Variants in DUSP7 observed in about 807,000 individuals in gnomAD.
DUSP7 encodes dual specificity phosphatase 7.
A neutral mutation model predicts 29.8 loss-of-function variants in DUSP7; 7 were observed. That is an observed-to-expected ratio of 0.24 (90% CI 0.13 to 0.44). DUSP7 has a LOEUF of 0.44. Ranked by LOEUF, DUSP7 falls within the 20% of genes least tolerant of loss-of-function variation. DUSP7 has a pLI of 1.00. For missense variants in DUSP7, 400 were observed against 583.7 expected (o/e 0.69, Z 3.24); for synonymous variants, 287 against 275.4 (o/e 1.04, Z -0.42).
Position 52,050,855 on chromosome 3 carries a change from T to C in DUSP7, c.1220A>G (p.Asn407Ser). ...CGTATTGAGTGGGAACAGGTTGTGG[T>C]TGGTGGGCGTGGAAAAGTAGAGCTG... ...SEQLYFSTPT[N>S]HNLFPLNTLE... The change falls in exon 3 of 3, where the codon AAC (asparagine) becomes AGC (serine). Residue 407 changes from asparagine to serine, a missense_variant. Asn to Ser is a conservative substitution (Grantham distance 46). This residue lies in a region of DUSP7 where 75 missense variants were observed against 95.0 expected (regional missense o/e 0.79). Coordinates refer to ENST00000495880, the MANE Select transcript of DUSP7 (RefSeq NM_001947.4). This position sits in a 1 kb window ranked among gnomAD's most constrained non-coding sequence, Gnocchi z 5.0. 1 of 1,613,908 alleles carries C rather than the reference T, an allele frequency of 6.2e-7. No homozygotes were observed. The highest frequency in any genetic ancestry group is 8.5e-7 in the Non-Finnish European group (1 of 1,179,826).
Position 52,051,108 on chromosome 3 carries a change from T to C in DUSP7, c.967A>G (p.Lys323Glu), listed in dbSNP as rs759834109. The C allele has an allele frequency of 6.2e-7, 1 of 1,608,920 alleles. No individual in the cohort carries two copies. Among genetic ancestry groups the C allele is most frequent in the South Asian group, 1.1e-5 (1 of 91,070 alleles). Residue 323 changes from lysine to glutamate, a missense_variant, in exon 3 of 3, where the codon AAG (lysine) becomes GAG (glutamate). This residue lies in a region of DUSP7 where 223 missense variants were observed against 360.9 expected (regional missense o/e 0.62). Transcript: ENST00000495880. The surrounding 1 kb of genome is among the most constrained non-coding windows in gnomAD (Gnocchi z 4.8). ...CAGTGCACCAGGACACCACACTTCT[T>C]GGAGCGGGCTTCGTCTGAAACACAT... ...AISFIDEARS[K>E]KCGVLVHCLA...
In DUSP7 at chr3:52,048,994, A is replaced by ATG. The variant is rs1462430384; in HGVS notation, c.*1819_*1820dup. 6.6e-6 allele frequency: 1 copy of ATG among 152,166 alleles called. No homozygotes were observed. Among genetic ancestry groups the ATG allele is most frequent in the African/African-American group, 2.4e-5 (1 of 41,428 alleles). 9.4% of individuals were successfully genotyped at this position (152,166 alleles called of 1,614,324 possible). On this transcript the variant is annotated 3_prime_UTR_variant, in exon 3 of 3. Coordinates refer to ENST00000495880, the MANE Select transcript of DUSP7 (RefSeq NM_001947.4). ...TGGTTCGGGATATATATATATATGT[A>ATG]TGTGTGTGTATATATATACGTAGGG... is the stretch of plus-strand genomic sequence containing the variant.
In DUSP7 at chr3:52,049,014, G is replaced by A. The variant is rs1176929417; in HGVS notation, c.*1801C>T. On this transcript the variant is annotated 3_prime_UTR_variant, in exon 3 of 3. Coordinates refer to ENST00000495880, the MANE Select transcript of DUSP7 (RefSeq NM_001947.4). ...TATGTATGTGTGTGTATATATATAC[G>A]TAGGGTCACAAATCTTCCTTCATAA... 1.3e-5 allele frequency: 2 copies of A among 152,152 alleles called. No individual in the cohort carries two copies. The highest frequency in any genetic ancestry group is 1.9e-4 in the East Asian group (1 of 5,206). The allele number at this position is 152,152 out of a possible 1,614,324, so 9.4% of individuals were successfully genotyped here.
chr3:52,054,013 G>A lies in DUSP7; in HGVS notation c.879C>T (p.Tyr293=), dbSNP rs1465677931. The A allele has an allele frequency of 1.2e-6, 2 of 1,614,122 alleles. No individual in the cohort carries two copies. The highest frequency in any genetic ancestry group is 2.2e-5 in the East Asian group (1 of 44,892). Residue 293 remains tyrosine (Y), a synonymous_variant, in exon 2 of 3, where the codon TAC becomes TAT. Transcript: ENST00000495880. The surrounding 1 kb of genome is among the most constrained non-coding windows in gnomAD (Gnocchi z 4.1). The part of the protein sequence containing the change: ...NAFEHGGEFT[Y]KQIPISDHWS... ...AGTGGTCAGAGATGGGGATCTGCTTGTAGGTGAACTCGCCGCCGTGCTCGA... is the reference window on the plus strand; with the variant it reads ...AGTGGTCAGAGATGGGGATCTGCTTATAGGTGAACTCGCCGCCGTGCTCGA...
chr3:52,051,064 G>A lies in DUSP7; in HGVS notation c.1011C>T (p.Arg337=), dbSNP rs748161509. 1.1e-5 allele frequency: 18 copies of A among 1,613,964 alleles called. No individual in the cohort carries two copies. The highest frequency in any genetic ancestry group is 1.1e-4 in the African/African-American group (8 of 74,940). The change falls in exon 3 of 3, where the codon CGC becomes CGT. Residue 337 remains arginine, a synonymous_variant. Coordinates refer to ENST00000495880, the MANE Select transcript of DUSP7 (RefSeq NM_001947.4). This position sits in a 1 kb window ranked among gnomAD's most constrained non-coding sequence, Gnocchi z 4.8. ...VLVHCLAGIS[R]SVTVTVAYLM... is the part of the protein sequence containing the mutation. ...GATAGGCCACAGTGACCGTCACTGAGCGGCTGATGCCTGCCAGGCAGTGCA... is the reference window on the plus strand; with the variant it reads ...GATAGGCCACAGTGACCGTCACTGAACGGCTGATGCCTGCCAGGCAGTGCA...
Position 52,053,688 on chromosome 3 carries a change from A to G in DUSP7, c.952+252T>C, listed in dbSNP as rs1701868900. The G allele has an allele frequency of 1.8e-6, 1 of 549,596 alleles. No homozygotes were observed. The highest frequency in any genetic ancestry group is 3.3e-6 in the Non-Finnish European group (1 of 305,548). 34.0% of individuals were successfully genotyped at this position (549,596 alleles called of 1,614,324 possible). On this transcript the variant is annotated intron_variant, in intron 2 of 2. Coordinates refer to ENST00000495880, the MANE Select transcript of DUSP7 (RefSeq NM_001947.4). The surrounding 1 kb of genome is among the most constrained non-coding windows in gnomAD (Gnocchi z 4.6). ...GGAAAACACAAGCTGGACAGCAGAG[A>G]GCCCATGACGTGCTGTCAGCTAGGG... is the stretch of plus-strand genomic sequence containing the variant.
In DUSP7 at chr3:52,049,457, C is replaced by T. The variant is rs1262232864; in HGVS notation, c.*1358G>A. On this transcript the variant is annotated 3_prime_UTR_variant, in exon 3 of 3. Coordinates refer to ENST00000495880, the MANE Select transcript of DUSP7 (RefSeq NM_001947.4). ...GGGGAAGTGAACAGAGCCTTACCCCCCTTCTGCTGGTCCATCCTTGCCCCA... is the reference window on the plus strand; with the variant it reads ...GGGGAAGTGAACAGAGCCTTACCCCTCTTCTGCTGGTCCATCCTTGCCCCA... 6.6e-6 allele frequency: 1 copy of T among 152,328 alleles called. No individual in the cohort carries two copies. Among genetic ancestry groups the T allele is most frequent in the Non-Finnish European group, 1.5e-5 (1 of 68,108 alleles). 9.4% of individuals were successfully genotyped at this position (152,328 alleles called of 1,614,324 possible). A position where few individuals can be genotyped will look rare whatever the true frequency, so the allele number is the denominator to read the frequency against.
chr3:52,055,931 C>A lies in DUSP7; in HGVS notation c.436G>T (p.Glu146Ter). ...YDEATAEWQP[E>*]PGAPASVLGL... ...AGCACGGAGGCGGGAGCGCCGGGCT[C>A]GGGCTGCCACTCGGCCGTGGCCTCG... Residue 146 changes from glutamate to a stop codon, truncating the protein, a stop_gained, in exon 1 of 3, where the codon GAG becomes TAG. Transcript: ENST00000495880. LOFTEE classifies it high-confidence loss of function. 6.5e-7 allele frequency: 1 copy of A among 1,540,418 alleles called. No homozygotes were observed. Among genetic ancestry groups the A allele is most frequent in the Non-Finnish European group, 8.7e-7 (1 of 1,144,416 alleles).
chr3:52,053,765 A>C lies in DUSP7; in HGVS notation c.952+175T>G, dbSNP rs2106892936. On this transcript the variant is annotated intron_variant, in intron 2 of 2. Transcript: ENST00000495880. The surrounding 1 kb of genome is among the most constrained non-coding windows in gnomAD (Gnocchi z 4.6). Reference sequence around the variant, plus strand: ...AGGCCCCAACAGGTAGAGGGGCCCAAGGGACTCGGTGACTCACAGTAGGCC... The same window carrying C: ...AGGCCCCAACAGGTAGAGGGGCCCACGGGACTCGGTGACTCACAGTAGGCC... The C allele has an allele frequency of 1.5e-6, 1 of 683,234 alleles. No homozygotes were observed. Among genetic ancestry groups the C allele is most frequent in the Admixed American group, 2.7e-5 (1 of 37,346 alleles). The allele number at this position is 683,234 out of a possible 1,614,324, so 42.3% of individuals were successfully genotyped here.
chr3:52,050,762 C>A lies in DUSP7; in HGVS notation c.*53G>T. Reference sequence around the variant, plus strand: ...GGCGGGCTTGGGCTCTCCCACCTAGCCCTGTGGAGAGCCGAGCAGGGGCCT... The same window carrying A: ...GGCGGGCTTGGGCTCTCCCACCTAGACCTGTGGAGAGCCGAGCAGGGGCCT... On this transcript the variant is annotated 3_prime_UTR_variant, in exon 3 of 3. Coordinates refer to ENST00000495880, the MANE Select transcript of DUSP7 (RefSeq NM_001947.4). The surrounding 1 kb of genome is among the most constrained non-coding windows in gnomAD (Gnocchi z 5.0). 1 of 1,557,640 alleles carries A rather than the reference C, an allele frequency of 6.4e-7. No homozygotes were observed. Among genetic ancestry groups the A allele is most frequent in the Non-Finnish European group, 8.7e-7 (1 of 1,147,238 alleles).
Position 52,050,851 on chromosome 3 carries a change from G to A in DUSP7, c.1224C>T (p.His408=). 1 of 1,614,066 alleles carries A rather than the reference G, an allele frequency of 6.2e-7. No homozygotes were observed. Among genetic ancestry groups the A allele is most frequent in the South Asian group, 1.1e-5 (1 of 91,088 alleles). The part of the protein sequence containing the change: ...EQLYFSTPTN[H]NLFPLNTLES... The stretch of plus-strand genomic sequence containing the variant: ...CCAGCGTATTGAGTGGGAACAGGTT[G>A]TGGTTGGTGGGCGTGGAAAAGTAGA... The change falls in exon 3 of 3, where the codon CAC becomes CAT. Residue 408 remains histidine (H), a synonymous_variant. Transcript: ENST00000495880. This position sits in a 1 kb window ranked among gnomAD's most constrained non-coding sequence, Gnocchi z 5.0.
chr3:52,051,114 G>A lies in DUSP7; in HGVS notation c.961C>T (p.Arg321Cys), dbSNP rs1330065062. ...ACCAGGACACCACACTTCTTGGAGCGGGCTTCGTCTGAAACACATTGGCAT... is the reference window on the plus strand; with the variant it reads ...ACCAGGACACCACACTTCTTGGAGCAGGCTTCGTCTGAAACACATTGGCAT... ...PEAISFIDEA[R>C]SKKCGVLVHC... Residue 321 changes from arginine (R) to cysteine (C), a missense_variant, in exon 3 of 3, where the codon CGC (arginine) becomes TGC (cysteine). Arg to Cys is a radical substitution (Grantham distance 180). Coordinates refer to ENST00000495880, the MANE Select transcript of DUSP7 (RefSeq NM_001947.4). This position sits in a 1 kb window ranked among gnomAD's most constrained non-coding sequence, Gnocchi z 4.8. The A allele has an allele frequency of 3.7e-6, 6 of 1,606,996 alleles. No individual in the cohort carries two copies. Among genetic ancestry groups the A allele is most frequent in the South Asian group, 1.1e-5 (1 of 91,046 alleles).
At position 52,053,922 on chromosome 3, in the gene DUSP7, C is replaced by T; in HGVS notation, c.952+18G>A. 6.2e-7 allele frequency: 1 copy of T among 1,614,026 alleles called. No homozygotes were observed. The highest frequency in any genetic ancestry group is 8.5e-7 in the Non-Finnish European group (1 of 1,179,960). On this transcript the variant is annotated intron_variant, in intron 2 of 2. Transcript: ENST00000495880. The surrounding 1 kb of genome is among the most constrained non-coding windows in gnomAD (Gnocchi z 4.6). ...CCTTGATGCACCCACACCCCCCTGC[C>T]CAGCACACAGCACCTACCAATGAAG...
intron 2 of DUSP7, chr3:52,052,390 C>CT (rs1701856496): frequency 6.6e-6 from 1 of 152,294 alleles, no homozygotes; most frequent in Non-Finnish European, 1.5e-5. Flanking sequence ...TTCCTCCAGA[C>CT]TCAGGGACTG....
chr3:52,053,141 G>A lies in DUSP7; in HGVS notation c.952+799C>T, dbSNP rs1357804320. Reference sequence around the variant, plus strand: ...ACTGGAGGCTGGGCAGAAACATTGGGTCACCAGGCTCAGAGATAGAGCGTT... The same window carrying A: ...ACTGGAGGCTGGGCAGAAACATTGGATCACCAGGCTCAGAGATAGAGCGTT... On this transcript the variant is annotated intron_variant, in intron 2 of 2. Transcript: ENST00000495880. This position sits in a 1 kb window ranked among gnomAD's most constrained non-coding sequence, Gnocchi z 4.6. 1 of 152,348 alleles carries A rather than the reference G, an allele frequency of 6.6e-6. No individual in the cohort carries two copies. The highest frequency in any genetic ancestry group is 1.5e-5 in the Non-Finnish European group (1 of 68,144). 9.4% of individuals were successfully genotyped at this position (152,348 alleles called of 1,614,324 possible). A position where few individuals can be genotyped will look rare whatever the true frequency, so the allele number is the denominator to read the frequency against.
At position 52,050,128 on chromosome 3, in the gene DUSP7, G is replaced by C. The variant is rs1409668923; in HGVS notation, c.*687C>G. 6.6e-6 allele frequency: 1 copy of C among 152,244 alleles called. No individual in the cohort carries two copies. The highest frequency in any genetic ancestry group is 2.4e-5 in the African/African-American group (1 of 41,442). 9.4% of individuals were successfully genotyped at this position (152,244 alleles called of 1,614,324 possible). ...GACTGGGGGTCCCAATACCTGAAGAGCAGTAAGCCACCCCTTCAAGAAGGG... is the reference window on the plus strand; with the variant it reads ...GACTGGGGGTCCCAATACCTGAAGACCAGTAAGCCACCCCTTCAAGAAGGG... On this transcript the variant is annotated 3_prime_UTR_variant, in exon 3 of 3. Transcript: ENST00000495880. This position sits in a 1 kb window ranked among gnomAD's most constrained non-coding sequence, Gnocchi z 5.0.
At position 52,050,727 on chromosome 3, in the gene DUSP7, G is replaced by T; in HGVS notation, c.*88C>A. 7.0e-7 allele frequency: 1 copy of T among 1,422,216 alleles called. No homozygotes were observed. The highest frequency in any genetic ancestry group is 1.4e-5 in the South Asian group (1 of 72,426). 88.1% of individuals were successfully genotyped at this position (1,422,216 alleles called of 1,614,324 possible). On this transcript the variant is annotated 3_prime_UTR_variant, in exon 3 of 3. Transcript: ENST00000495880. This position sits in a 1 kb window ranked among gnomAD's most constrained non-coding sequence, Gnocchi z 5.0. Reference sequence around the variant, plus strand: ...ACAGGTGACATCTGGGGGTTCCTCAGGCCAGAGGTGGCGGGCTTGGGCTCT... The same window carrying T: ...ACAGGTGACATCTGGGGGTTCCTCATGCCAGAGGTGGCGGGCTTGGGCTCT...
intron 2 of DUSP7, chr3:52,052,894 G>C (rs1270997637): frequency 1.3e-5 from 2 of 152,594 alleles, no homozygotes; most frequent in African/African-American, 4.8e-5. Flanking sequence ...GCAGGGCTGA[G>C]AAGCTCCAGG....
In DUSP7 at chr3:52,053,911, C is replaced by G. The variant is rs374069118; in HGVS notation, c.952+29G>C. 11 of 1,613,592 alleles carry G rather than the reference C, an allele frequency of 6.8e-6. No homozygotes were observed. In the African/African-American group the frequency reaches 1.2e-4, roughly 18 times the overall value. On this transcript the variant is annotated intron_variant, in intron 2 of 2. Transcript: ENST00000495880. The surrounding 1 kb of genome is among the most constrained non-coding windows in gnomAD (Gnocchi z 4.6). Reference sequence around the variant, plus strand: ...TCCTGCATACACCTTGATGCACCCACACCCCCCTGCCCAGCACACAGCACC... The same window carrying G: ...TCCTGCATACACCTTGATGCACCCAGACCCCCCTGCCCAGCACACAGCACC...
Sources: gnomAD v4.1 joint callset for allele counts on GRCh38, gnomAD v4.1.1 for gene constraint, gnomAD v4.1.1 regional missense constraint, Gnocchi (gnomAD v3.1) non-coding constraint, MANE v1.5 for transcripts, NCBI Gene and HGNC (gene_info 2026-07-23, HGNC 2026-07-21) for gene names.